Variants in SLC35F1 observed in about 807,000 individuals in gnomAD.
SLC35F1 encodes the protein solute carrier family 35 member F1.
Under a neutral mutation model 48.7 loss-of-function variants are expected in SLC35F1, and 14 were observed. The observed-to-expected ratio is 0.29, with a 90% confidence interval of 0.19 to 0.45. The LOEUF (loss-of-function observed/expected upper bound fraction) is 0.45, where lower values mean the gene tolerates loss of function less well. SLC35F1 is among the 20% of genes least tolerant of loss of function. SLC35F1 has a pLI of 1.00. For synonymous variants in SLC35F1, 190 were observed against 202.2 expected (o/e 0.94, Z 0.51); for missense variants, 404 against 500.0 (o/e 0.81, Z 1.83).
chr6:118,107,898 G>A (rs1002722625), intron 1 of SLC35F1, among the ~76,000 whole-genome samples: 3 of 152,056 alleles, frequency 2.0e-5, no homozygotes, highest in Admixed American at 2.0e-4. Flanking sequence ...AGAAGGAATT[G>A]TAGCTTGCCT....
At chr6:117,979,026 G>A (rs1190355639) in intron 1 of SLC35F1, among the ~76,000 whole-genome samples, 1 of 152,162 alleles carries the variant, frequency 6.6e-6, no homozygotes, top group Non-Finnish European at 1.5e-5. Flanking sequence ...GGCTTGACCT[G>A]TTCCCCGCAT....
In SLC35F1 at chr6:117,907,326, C is replaced by G. The variant is rs976164264; in HGVS notation, c.-401C>G. Among the ~76,000 whole-genome samples, 10 of 151,016 alleles carry G rather than the reference C, an allele frequency of 6.6e-5. No homozygotes were observed. The highest frequency in any genetic ancestry group is 2.4e-4 in the African/African-American group (10 of 41,296). ...GAGGCGGCGCCAGCACAACTGCCGC[C>G]GCGCGCCCCGAGGAGACCCGGGCAC... is the stretch of plus-strand genomic sequence containing the variant. On this transcript the variant is annotated 5_prime_UTR_variant, in exon 1 of 8. Coordinates refer to ENST00000360388, the MANE Select transcript of SLC35F1 (RefSeq NM_001029858.4).
intron 2 of SLC35F1, among the ~76,000 whole-genome samples, chr6:118,162,895 T>A (rs948174754): frequency 2.0e-5 from 3 of 151,978 alleles, no homozygotes; most frequent in Non-Finnish European, 4.4e-5. Context: ...CCCACAGTCT[T>A]AACGAAACTT....
intron 2 of SLC35F1, among the ~76,000 whole-genome samples, chr6:118,185,394 C>G (rs1292045048): frequency 6.6e-6 from 1 of 152,056 alleles, no homozygotes; most frequent in Non-Finnish European, 1.5e-5. Context: ...TCCCCTGAGG[C>G]AACATAACAG....
At chr6:118,253,581 C>G (rs540167564) in intron 3 of SLC35F1, among the ~76,000 whole-genome samples, 1 of 152,038 alleles carries the variant, frequency 6.6e-6, no homozygotes, top group South Asian at 2.1e-4. Flanking sequence ...AAGGATAGGT[C>G]CCTCAGAAAC....
chr6:118,149,259 GA>G (rs1048338907), intron 1 of SLC35F1, among the ~76,000 whole-genome samples: 1 of 152,130 alleles, frequency 6.6e-6, no homozygotes, highest in Non-Finnish European at 1.5e-5. Flanking sequence ...GGAGTTAGGT[GA>G]AAGGACCACA....
chr6:118,200,680 G>A (rs1399939270), intron 2 of SLC35F1, among the ~76,000 whole-genome samples: 1 of 152,124 alleles, frequency 6.6e-6, no homozygotes, highest in Non-Finnish European at 1.5e-5. Flanking sequence ...TTATACCCCA[G>A]TGTGTTAGTT....
intron 1 of SLC35F1, among the ~76,000 whole-genome samples, chr6:118,010,049 T>C (rs1777224619): frequency 6.6e-6 from 1 of 152,184 alleles, no homozygotes; most frequent in Admixed American, 6.5e-5. Context: ...ATATTGTTAT[T>C]TAGGATTCTT....
chr6:117,950,168 C>A (rs1241782817), intron 1 of SLC35F1, among the ~76,000 whole-genome samples: 2 of 152,126 alleles, frequency 1.3e-5, no homozygotes, highest in African/African-American at 2.4e-5. Flanking sequence ...GAGATATATT[C>A]CTCAAGATCT....
In SLC35F1 at chr6:118,317,283, T is replaced by C. The variant is rs1359895448; in HGVS notation, c.*3031T>C. 6.6e-6 allele frequency: 1 copy of C among 152,112 alleles called. No individual in the cohort carries two copies. The highest frequency in any genetic ancestry group is 1.5e-5 in the Non-Finnish European group (1 of 68,032). 9.4% of individuals were successfully genotyped at this position (152,112 alleles called of 1,614,324 possible). A position where few individuals can be genotyped will look rare whatever the true frequency, so the allele number is the denominator to read the frequency against. On this transcript the variant is annotated 3_prime_UTR_variant, in exon 8 of 8. Coordinates refer to ENST00000360388, the MANE Select transcript of SLC35F1 (RefSeq NM_001029858.4). ...TACTCTCAAATACATGACCAGGTGA[T>C]CAAGCAATGGAAAAATTTGCACCAC...
intron 1 of SLC35F1, among the ~76,000 whole-genome samples, chr6:118,077,196 G>T (rs182392586): frequency 6.6e-6 from 1 of 152,210 alleles, no homozygotes; most frequent in Non-Finnish European, 1.5e-5. Flanking sequence ...GGTGCAAAGT[G>T]CAGTGTGTGC....
intron 1 of SLC35F1, among the ~76,000 whole-genome samples, chr6:117,962,373 A>G (rs1776508714): frequency 6.6e-6 from 1 of 152,098 alleles, no homozygotes; most frequent in Admixed American, 6.5e-5. Flanking sequence ...TTTTCCCTTC[A>G]CTTATTAAAA....
intron 1 of SLC35F1, among the ~76,000 whole-genome samples, chr6:118,074,556 A>T (rs1258754245): frequency 6.6e-6 from 1 of 152,150 alleles, no homozygotes. Context: ...TCAGTTCAGG[A>T]TCTTCTTCAG....
intron 3 of SLC35F1, among the ~76,000 whole-genome samples, chr6:118,242,569 G>A (rs1775454674): frequency 6.6e-6 from 1 of 152,188 alleles, no homozygotes; most frequent in Non-Finnish European, 1.5e-5. Flanking sequence ...ATCTTGACTT[G>A]TGGAGGATGA....
rs115817332 is a variant in SLC35F1 at position 118,076,723 on chromosome 6, G to T, written c.174-77722G>T. On this transcript the variant is annotated intron_variant, in intron 1 of 7. Transcript: ENST00000360388. The stretch of plus-strand genomic sequence containing the variant: ...CACAGAGCCAAACCGTTATCAGTTG[G>T]TTAAATAATTCATATTCTCACCATG... Among the ~76,000 whole-genome samples, 977 of 152,230 alleles carry T rather than the reference G, an allele frequency of 6.4e-3. 14 individuals are homozygous for T. Among genetic ancestry groups the T allele is most frequent in the African/African-American group, 0.023 (940 of 41,518 alleles).
chr6:118,159,324 T>C (rs888639239), intron 2 of SLC35F1, among the ~76,000 whole-genome samples: 2 of 152,002 alleles, frequency 1.3e-5, no homozygotes, highest in Non-Finnish European at 2.9e-5. Flanking sequence ...AGTAGTTTTG[T>C]TGACATTGTA....
At chr6:118,002,773 A>ATAT (rs1261169853) in intron 1 of SLC35F1, among the ~76,000 whole-genome samples, 7 of 151,892 alleles carry the variant, frequency 4.6e-5, no homozygotes, top group Non-Finnish European at 1.0e-4. Context: ...AGAATTTCTA[A>ATAT]CCTGTCTGGA....
At chr6:118,073,644 A>G (rs981334377) in intron 1 of SLC35F1, among the ~76,000 whole-genome samples, 56 of 152,218 alleles carry the variant, frequency 3.7e-4, no homozygotes, top group Non-Finnish European at 1.0e-4. Context: ...CAAAATCAAA[A>G]TGAGATTTAT....
intron 1 of SLC35F1, among the ~76,000 whole-genome samples, chr6:118,077,132 C>T (rs918771478): frequency 3.9e-5 from 6 of 152,148 alleles, no homozygotes; most frequent in Non-Finnish European, 8.8e-5. Context: ...ATTGACTTGT[C>T]CTTCATTTTA....
Sources: gnomAD v4.1 joint callset for allele counts (sites outside exome capture counted in the v4.1 genomes callset) on GRCh38, gnomAD v4.1.1 for gene constraint, MANE v1.5 for transcripts, NCBI Gene and HGNC (gene_info 2026-07-23, HGNC 2026-07-21) for gene names.